IL7: variants seen among roughly 807,000 people sequenced by gnomAD.
The protein encoded by IL7 is interleukin 7, also known as interleukin-7.
IL7 carries 3 observed loss-of-function variants against 21.6 expected under a neutral mutation model. That is an observed-to-expected ratio of 0.14 (90% CI 0.06 to 0.36). The LOEUF (loss-of-function observed/expected upper bound fraction) is 0.36, where lower values mean the gene tolerates loss of function less well. Among genes scored for constraint, IL7 ranks in the 10% least tolerant of loss-of-function variants. The pLI, the probability that IL7 is intolerant of heterozygous loss-of-function variation, is 1.00. For synonymous variants in IL7, 62 were observed against 68.1 expected, an observed-to-expected ratio of 0.91 and a Z score of 0.44; for missense variants, 175 against 200.2, an observed-to-expected ratio of 0.87 and a Z score of 0.76.
chr8:78,774,261 T>C (rs1215636702), intron 2 of IL7, among the ~76,000 whole-genome samples: 1 of 152,118 alleles, frequency 6.6e-6, no homozygotes, highest in Non-Finnish European at 1.5e-5. Context: ...CTTCTTCATC[T>C]AATGCCCAAC....
exon 5 of IL7, chr8:78,675,764 T>TA (rs1276757793): frequency 1.3e-6 from 2 of 1,564,368 alleles, no homozygotes; most frequent in Non-Finnish European, 1.7e-6. Flanking sequence ...ATAAATTATT[T>TA]ATTAAATTCC....
At chr8:78,774,801 A>G (rs1019032961) in intron 2 of IL7, among the ~76,000 whole-genome samples, 13 of 152,288 alleles carry the variant, frequency 8.5e-5, no homozygotes, top group African/African-American at 3.1e-4. Flanking sequence ...GAATAATATC[A>G]TCATGAAAGT....
At chr8:78,804,564 A>C (rs1814238028) in intron 1 of IL7, among the ~76,000 whole-genome samples, 1 of 152,190 alleles carries the variant, frequency 6.6e-6, no homozygotes, top group Non-Finnish European at 1.5e-5. Context: ...GGAGCACGGG[A>C]AGGGCGCCAG....
At chr8:78,736,806 A>G (rs1204114605) in intron 4 of IL7, among the ~76,000 whole-genome samples, 3 of 152,164 alleles carry the variant, frequency 2.0e-5, no homozygotes, top group Admixed American at 2.0e-4. Context: ...ATGAAAAATT[A>G]ACATAGTAGG....
Position 78,783,849 on chromosome 8 carries a change from C to T in IL7, c.147+14223G>A, listed in dbSNP as rs1314263808. Among the ~76,000 whole-genome samples the T allele has an allele frequency of 3.9e-5, 6 of 152,164 alleles. No individual in the cohort carries two copies. The East Asian group carries it at 1.2e-3, about 29-fold the overall frequency. ...AGATTTATTAAAGAAATATGTAAAG[C>T]AAAGCAGCCAAGTATGATAAACCAA... On this transcript the variant is annotated intron_variant, in intron 2 of 5. Transcript: ENST00000263851.
intron 2 of IL7, among the ~76,000 whole-genome samples, chr8:78,777,848 T>G (rs1436111748): frequency 1.3e-5 from 2 of 152,102 alleles, no homozygotes; most frequent in African/African-American, 4.8e-5. Context: ...CCAGATTTAA[T>G]TCTACACTGC....
At chr8:78,750,563 C>T (rs1812132322) in intron 2 of IL7, among the ~76,000 whole-genome samples, 1 of 152,184 alleles carries the variant, frequency 6.6e-6, no homozygotes, top group African/African-American at 2.4e-5. Flanking sequence ...GTGGCTCACG[C>T]CTGTAATCCC....
intron 2 of IL7, chr8:78,761,249 C>T: frequency 1.9e-6 from 3 of 1,603,784 alleles, no homozygotes; most frequent in Non-Finnish European, 2.5e-6. Context: ...TTGTGGTGAT[C>T]GATGGAAAAA....
rs576913474 is a variant in IL7 at position 78,767,598 on chromosome 8, G to T, written c.148-27516C>A. On this transcript the variant is annotated intron_variant, in intron 2 of 5. Coordinates refer to ENST00000263851, the MANE Select transcript of IL7 (RefSeq NM_000880.4). ...GCTTTCTCAGTCCTCCCATAACCAC[G>T]CACTTTTTATATTCTTAGGGCTTAG... 2.0e-5 allele frequency among the ~76,000 whole-genome samples: 3 copies of T among 151,846 alleles called. No individual in the cohort carries two copies. In the South Asian group the frequency reaches 6.2e-4, roughly 32 times the overall value.
chr8:78,705,149 G>C (rs1192143847), intron 3 of IL7, among the ~76,000 whole-genome samples: 1 of 152,218 alleles, frequency 6.6e-6, no homozygotes, highest in Non-Finnish European at 1.5e-5. Flanking sequence ...TTCTCAGCCT[G>C]ATTCCTGTTG....
intron 4 of IL7, among the ~76,000 whole-genome samples, chr8:78,677,782 A>C (rs1024869257): frequency 1.8e-4 from 27 of 152,152 alleles, no homozygotes; most frequent in African/African-American, 9.7e-5. Context: ...TTTGCACAGG[A>C]AACAATTTAG....
Position 78,784,960 on chromosome 8 carries a change from A to G in IL7, c.147+13112T>C, listed in dbSNP as rs545541103. 6.6e-4 allele frequency among the ~76,000 whole-genome samples: 101 copies of G among 152,126 alleles called. 1 individual carries two copies. Among genetic ancestry groups the G allele is most frequent in the Non-Finnish European group, 8.4e-4 (57 of 68,006 alleles). Reference sequence around the variant, plus strand: ...TTTCTGCCTGTGCACTTTATATTTGAACAACATCTTGTCTAGGTATCAAAT... The same window carrying G: ...TTTCTGCCTGTGCACTTTATATTTGGACAACATCTTGTCTAGGTATCAAAT... On this transcript the variant is annotated intron_variant, in intron 2 of 5. Coordinates refer to ENST00000263851, the MANE Select transcript of IL7 (RefSeq NM_000880.4).
downstream of IL7, among the ~76,000 whole-genome samples, chr8:78,731,689 A>G (rs1811427716): frequency 6.6e-6 from 1 of 152,044 alleles, no homozygotes; most frequent in Non-Finnish European, 1.5e-5. Context: ...ACTCTCCCAA[A>G]TCATTATTAG....
intron 2 of IL7, among the ~76,000 whole-genome samples, chr8:78,790,766 C>A (rs1359349189): frequency 6.6e-6 from 1 of 151,534 alleles, no homozygotes; most frequent in African/African-American, 2.4e-5. Context: ...AGGGTAAAAC[C>A]TATATTCTGA....
At chr8:78,691,329 C>T (rs1020869035) in intron 3 of IL7, among the ~76,000 whole-genome samples, 5 of 152,066 alleles carry the variant, frequency 3.3e-5, no homozygotes, top group African/African-American at 7.2e-5. Flanking sequence ...ACATCTTCCC[C>T]ATTTATTGGC....
rs558896783 is a variant in IL7 at position 78,775,895 on chromosome 8, A to G, written c.147+22177T>C. ...TTTACTTCAAACACTTCCATGCTAA[A>G]TAAATATTTAGTGGTTATTAAATAG... is the stretch of plus-strand genomic sequence containing the variant. On this transcript the variant is annotated intron_variant, in intron 2 of 5. Coordinates refer to ENST00000263851, the MANE Select transcript of IL7 (RefSeq NM_000880.4). Among the ~76,000 whole-genome samples, 411 of 152,172 alleles carry G rather than the reference A, an allele frequency of 2.7e-3. 3 individuals carry two copies. Among genetic ancestry groups the G allele is most frequent in the Admixed American group, 6.0e-3 (92 of 15,240 alleles).
In IL7 at chr8:78,735,543, T is replaced by C. The variant is rs564043552; in HGVS notation, c.414+931A>G. Among the ~76,000 whole-genome samples the C allele has an allele frequency of 3.9e-5, 6 of 152,038 alleles. No individual in the cohort carries two copies. In the East Asian group the frequency reaches 1.2e-3, roughly 29 times the overall value. On this transcript the variant is annotated intron_variant, in intron 5 of 5. Transcript: ENST00000263851. ...CAGGATGGTCTTGATCTTTCCACCTTGTGATCCGCCCACCTCGGACCCCCA... is the reference window on the plus strand; with the variant it reads ...CAGGATGGTCTTGATCTTTCCACCTCGTGATCCGCCCACCTCGGACCCCCA...
Position 78,704,804 on chromosome 8 carries a change from CT to C in IL7, n.214+16543del, listed in dbSNP as rs1467366933. ...GAGCTTTTGTTCATTCCTTTTCATCCTTTTTTTCTCTATTCTTGTCAGCGTG... is the reference window on the plus strand; with the variant it reads ...GAGCTTTTGTTCATTCCTTTTCATCCTTTTTTCTCTATTCTTGTCAGCGTG... On this transcript the variant is annotated intron_variant and non_coding_transcript_variant, in intron 3 of 4. Coordinates refer to the IL7 transcript ENST00000523959. 2.0e-5 allele frequency among the ~76,000 whole-genome samples: 3 copies of C among 152,106 alleles called. No homozygotes were observed. The East Asian group carries it at 5.8e-4, about 29-fold the overall frequency.
chr8:78,680,407 G>A (rs1809740433), intron 4 of IL7, among the ~76,000 whole-genome samples: 1 of 151,796 alleles, frequency 6.6e-6, no homozygotes, highest in Non-Finnish European at 1.5e-5. Flanking sequence ...GCAGTATTTG[G>A]AAACTTGTTA....
Sources: allele counts gnomAD v4.1 joint callset (sites outside exome capture counted in the v4.1 genomes callset), GRCh38; gene constraint gnomAD v4.1.1; transcripts MANE v1.5; gene names NCBI Gene and HGNC (gene_info 2026-07-23, HGNC 2026-07-21).